SH3RF1: variants seen among roughly 807,000 people sequenced by gnomAD.
SH3RF1 encodes the protein E3 ubiquitin-protein ligase SH3RF1.
SH3RF1 carries 32 observed loss-of-function variants against 74.0 expected under a neutral mutation model. That is an observed-to-expected ratio of 0.43 (90% CI 0.33 to 0.58). SH3RF1 has a LOEUF of 0.58. Ranked by LOEUF, SH3RF1 falls within the 20% of genes least tolerant of loss-of-function variation. The probability of loss-of-function intolerance (pLI) is 0.05; values close to 1 mark genes in which losing one functional copy is unlikely to be tolerated. For synonymous variants in SH3RF1, 396 were observed against 439.6 expected (o/e 0.90, Z 1.24); for missense variants, 954 against 1,130.9 (o/e 0.84, Z 2.24).
intron 4 of SH3RF1, among the ~76,000 whole-genome samples, chr4:169,150,433 G>C (rs1733957266): frequency 2.0e-5 from 3 of 152,196 alleles, no homozygotes; most frequent in Admixed American, 1.3e-4. Context: ...ACTGTGGAAT[G>C]GCTAAATTGA....
chr4:169,208,997 T>A (rs532449448), intron 2 of SH3RF1, among the ~76,000 whole-genome samples: 3 of 151,484 alleles, frequency 2.0e-5, no homozygotes, highest in Non-Finnish European at 4.4e-5. Flanking sequence ...AAATAAAAAA[T>A]GAGGCAGTAG....
intron 4 of SH3RF1, among the ~76,000 whole-genome samples, chr4:169,138,366 C>T (rs530090865): frequency 1.1e-4 from 16 of 152,324 alleles, no homozygotes; most frequent in African/African-American, 3.8e-4. Flanking sequence ...GCTACTTCAT[C>T]TCCTCCATCC....
intron 2 of SH3RF1, among the ~76,000 whole-genome samples, chr4:169,184,546 A>C (rs1734573577): frequency 6.6e-6 from 1 of 152,190 alleles, no homozygotes; most frequent in Non-Finnish European, 1.5e-5. Context: ...TTAACAATGT[A>C]ATAGTATTCT....
chr4:169,216,968 T>A (rs1309402282), intron 2 of SH3RF1, among the ~76,000 whole-genome samples: 1 of 138,802 alleles, frequency 7.2e-6, no homozygotes, highest in East Asian at 2.1e-4. Flanking sequence ...CTGAGCAACA[T>A]GGCGAAACCC....
chr4:169,222,535 C>CTGT (rs1402252830), intron 2 of SH3RF1, among the ~76,000 whole-genome samples: 3 of 149,310 alleles, frequency 2.0e-5, no homozygotes, highest in Non-Finnish European at 3.0e-5. Context: ...AAATCATTAA[C>CTGT]TGTTCTGTAT....
intron 2 of SH3RF1, among the ~76,000 whole-genome samples, chr4:169,183,565 G>C (rs569497576): frequency 6.6e-6 from 1 of 152,052 alleles, no homozygotes; most frequent in Non-Finnish European, 1.5e-5. Flanking sequence ...ACAGACGTGA[G>C]CCACCATGCC....
intron 5 of SH3RF1, among the ~76,000 whole-genome samples, chr4:169,132,019 A>G (rs1368761592): frequency 6.6e-6 from 1 of 152,220 alleles, no homozygotes; most frequent in African/African-American, 2.4e-5. Context: ...AGGGCCCTTG[A>G]GCCGCTGCTC....
chr4:169,202,564 G>C (rs2706722), intron 2 of SH3RF1, among the ~76,000 whole-genome samples: 72,973 of 151,988 alleles, frequency 0.48, 18,503 homozygotes, highest in East Asian at 0.78. Context: ...TTAGTATTTG[G>C]GTTAATAACA....
chr4:169,221,505 G>A (rs1479644829), intron 2 of SH3RF1, among the ~76,000 whole-genome samples: 1 of 152,104 alleles, frequency 6.6e-6, no homozygotes, highest in Non-Finnish European at 1.5e-5. Context: ...ACCATAATCA[G>A]TTACACCAAC....
intron 2 of SH3RF1, among the ~76,000 whole-genome samples, chr4:169,234,049 G>A (rs868802637): frequency 2.6e-5 from 4 of 152,090 alleles, no homozygotes; most frequent in Non-Finnish European, 4.4e-5. Context: ...ATGTCACTCT[G>A]TTAACTCTCA....
At chr4:169,232,637 T>C (rs890524497) in intron 2 of SH3RF1, among the ~76,000 whole-genome samples, 4 of 152,156 alleles carry the variant, frequency 2.6e-5, no homozygotes, top group African/African-American at 9.7e-5. Context: ...TGAATTCAAG[T>C]TTACTTGAGT....
chr4:169,255,614 T>TACACACACACACACACACACACAC (rs1192993515), intron 2 of SH3RF1, among the ~76,000 whole-genome samples: 1 of 59,078 alleles, frequency 1.7e-5, no homozygotes, highest in South Asian at 7.1e-4. Flanking sequence ...CACACATACA[T>TACACACACACACACACACACACAC]ACACACATAC....
chr4:169,212,088 G>T (rs1273324673), intron 2 of SH3RF1, among the ~76,000 whole-genome samples: 2 of 96,958 alleles, frequency 2.1e-5, no homozygotes, highest in Non-Finnish European at 4.0e-5. Flanking sequence ...TTTTGAGACA[G>T]AGTTTTGCTC....
At chr4:169,190,633 T>C (rs529123792) in intron 2 of SH3RF1, among the ~76,000 whole-genome samples, 2 of 151,570 alleles carry the variant, frequency 1.3e-5, no homozygotes, top group East Asian at 3.9e-4. Flanking sequence ...AGCAGAATTC[T>C]ACCAGACATT....
At chr4:169,157,782 C>T (rs1462867168) in intron 2 of SH3RF1, among the ~76,000 whole-genome samples, 1 of 151,250 alleles carries the variant, frequency 6.6e-6, no homozygotes, top group African/African-American at 2.4e-5. Context: ...TGCTCTGTTG[C>T]CCAGGCTGGA....
intron 2 of SH3RF1, among the ~76,000 whole-genome samples, chr4:169,212,343 C>T (rs557432257): frequency 8.5e-5 from 13 of 152,104 alleles, no homozygotes; most frequent in Admixed American, 2.6e-4. Context: ...GGATTACAGG[C>T]GTGAGCCACC....
intron 2 of SH3RF1, among the ~76,000 whole-genome samples, chr4:169,248,679 A>T (rs906530713): frequency 6.6e-6 from 1 of 152,202 alleles, no homozygotes; most frequent in Non-Finnish European, 1.5e-5. Context: ...AAAAAGTAAT[A>T]GGAAAAGGGG....
chr4:169,150,399 G>C (rs1166864174), intron 4 of SH3RF1, among the ~76,000 whole-genome samples: 1 of 152,056 alleles, frequency 6.6e-6, no homozygotes, highest in African/African-American at 2.4e-5. Context: ...TCATGTATAA[G>C]ATGATGTTTT....
At chr4:169,180,080 C>G (rs1734482468) in intron 2 of SH3RF1, among the ~76,000 whole-genome samples, 1 of 152,206 alleles carries the variant, frequency 6.6e-6, no homozygotes, top group Non-Finnish European at 1.5e-5. Context: ...AAAGAAAAAA[C>G]TTGTAGTTCC....
Sources: allele counts gnomAD v4.1 joint callset (sites outside exome capture counted in the v4.1 genomes callset), GRCh38; gene constraint gnomAD v4.1.1; transcripts MANE v1.5; gene names NCBI Gene and HGNC (gene_info 2026-07-23, HGNC 2026-07-21).